NALF1: variants seen among roughly 807,000 people sequenced by gnomAD.
The protein encoded by NALF1 is family with sequence similarity 155 member A.
Under a neutral mutation model 48.4 loss-of-function variants are expected in NALF1, and 3 were observed. That is an observed-to-expected ratio of 0.06 (90% CI 0.03 to 0.16). The LOEUF is 0.16. NALF1 is among the 10% of genes least tolerant of loss of function. The pLI is 1.00. For missense variants in NALF1, 526 were observed against 571.5 expected (o/e 0.92, Z 0.81); for synonymous variants, 262 against 245.7 (o/e 1.07, Z -0.62).
chr13:107,329,195 T>G (rs185525916), intron 1 of NALF1, among the ~76,000 whole-genome samples: 1 of 152,162 alleles, frequency 6.6e-6, no homozygotes, highest in Admixed American at 6.5e-5. Flanking sequence ...ACATAAAATT[T>G]TTAGGAACTG....
intron 1 of NALF1, among the ~76,000 whole-genome samples, chr13:107,228,858 T>C (rs909922599): frequency 1.3e-5 from 2 of 152,036 alleles, no homozygotes; most frequent in Non-Finnish European, 1.5e-5. Flanking sequence ...TGATCTCAGG[T>C]AATCCACCCG....
Position 107,510,284 on chromosome 13 carries a change from A to C in NALF1, c.916-299529T>G, listed in dbSNP as rs1025473649. ...CTCCATAACTTTGGGGAAAATCAGC[A>C]ATTAAGCTCAGTTCATTTCATGATT... On this transcript the variant is annotated intron_variant, in intron 1 of 2. Transcript: ENST00000375915. Among the ~76,000 whole-genome samples the C allele has an allele frequency of 5.9e-5, 9 of 152,290 alleles. No individual in the cohort carries two copies. The East Asian group carries it at 1.7e-3, about 29-fold the overall frequency.
chr13:107,828,238 C>G (rs1463287324), intron 1 of NALF1, among the ~76,000 whole-genome samples: 1 of 152,172 alleles, frequency 6.6e-6, no homozygotes, highest in African/African-American at 2.4e-5. Flanking sequence ...TTTAGTAGCA[C>G]TGACATTCCA....
intron 1 of NALF1, among the ~76,000 whole-genome samples, chr13:107,771,553 T>C (rs1877577342): frequency 6.6e-6 from 1 of 150,732 alleles, no homozygotes; most frequent in South Asian, 2.1e-4. Flanking sequence ...GTCAGAGGCG[T>C]TCGAACCAGA....
intron 1 of NALF1, among the ~76,000 whole-genome samples, chr13:107,556,050 A>C (rs1165544194): frequency 6.6e-6 from 1 of 152,074 alleles, no homozygotes; most frequent in Non-Finnish European, 1.5e-5. Context: ...TGAATGTATT[A>C]TCTCTTCAAA....
intron 1 of NALF1, among the ~76,000 whole-genome samples, chr13:107,835,907 AG>A (rs1566500829): frequency 6.6e-6 from 1 of 152,182 alleles, no homozygotes; most frequent in Non-Finnish European, 1.5e-5. Flanking sequence ...CTAGATCATC[AG>A]GAGAACCAAC....
chr13:107,312,620 C>T (rs1266825790), intron 1 of NALF1, among the ~76,000 whole-genome samples: 1 of 152,054 alleles, frequency 6.6e-6, no homozygotes. Flanking sequence ...CTGTTTTCTG[C>T]ACTTAGAAAT....
At chr13:107,504,530 C>T (rs1473972769) in intron 1 of NALF1, among the ~76,000 whole-genome samples, 1 of 152,104 alleles carries the variant, frequency 6.6e-6, no homozygotes, top group Non-Finnish European at 1.5e-5. Context: ...ACATGATAAA[C>T]CACATATGTA....
chr13:107,631,673 T>C (rs572572508), intron 1 of NALF1, among the ~76,000 whole-genome samples: 200 of 152,190 alleles, frequency 1.3e-3, no homozygotes, highest in African/African-American at 4.4e-3. Context: ...CATTGACTAG[T>C]CATGCACAGG....
chr13:107,587,056 C>T (rs1446698785), intron 1 of NALF1, among the ~76,000 whole-genome samples: 1 of 152,022 alleles, frequency 6.6e-6, no homozygotes, highest in Non-Finnish European at 1.5e-5. Context: ...GTATCTGATT[C>T]TTGCTCCTGG....
chr13:107,810,973 A>T (rs1878971270), intron 1 of NALF1, among the ~76,000 whole-genome samples: 2 of 152,162 alleles, frequency 1.3e-5, no homozygotes. Flanking sequence ...TTCATAAATT[A>T]TGTATATATT....
chr13:107,278,375 T>C (rs1417521740), intron 1 of NALF1, among the ~76,000 whole-genome samples: 3 of 152,362 alleles, frequency 2.0e-5, no homozygotes, highest in Admixed American at 6.5e-5. Context: ...TATTTGTTTA[T>C]GGAGTGTATA....
intron 1 of NALF1, among the ~76,000 whole-genome samples, chr13:107,283,099 G>A (rs1312713102): frequency 1.3e-5 from 2 of 152,210 alleles, no homozygotes; most frequent in Non-Finnish European, 2.9e-5. Flanking sequence ...TCCCTCAGTG[G>A]TGGGAGAAAC....
At chr13:107,361,156 T>C (rs1416708378) in intron 1 of NALF1, among the ~76,000 whole-genome samples, 2 of 152,196 alleles carry the variant, frequency 1.3e-5, no homozygotes, top group Non-Finnish European at 2.9e-5. Context: ...TAGCACTCTA[T>C]TACCATAAAT....
chr13:107,851,987 T>C (rs1006799616), intron 1 of NALF1, among the ~76,000 whole-genome samples: 3 of 150,942 alleles, frequency 2.0e-5, no homozygotes, highest in African/African-American at 4.9e-5. Context: ...TTTTTTTAAT[T>C]TGGGGGGTGT....
chr13:107,603,927 GAC>G (rs1393314087), intron 1 of NALF1, among the ~76,000 whole-genome samples: 1 of 152,164 alleles, frequency 6.6e-6, no homozygotes, highest in Admixed American at 6.5e-5. Flanking sequence ...AGCAAGAGGT[GAC>G]ACATACCAGT....
intron 1 of NALF1, among the ~76,000 whole-genome samples, chr13:107,533,468 G>T (rs988870315): frequency 6.6e-6 from 1 of 152,082 alleles, no homozygotes; most frequent in Non-Finnish European, 1.5e-5. Flanking sequence ...CCCTACAGAG[G>T]AGGCAGCCCT....
At chr13:107,298,351 C>CAAA (rs1192707023) in intron 1 of NALF1, among the ~76,000 whole-genome samples, 202 of 16,614 alleles carry the variant, frequency 0.012, 38 homozygotes, top group African/African-American at 0.024. Flanking sequence ...GACTCCATCT[C>CAAA]AAAAAAAAAA....
At chr13:107,271,345 G>C (rs1042183769) in intron 1 of NALF1, among the ~76,000 whole-genome samples, 1 of 152,172 alleles carries the variant, frequency 6.6e-6, no homozygotes, top group Non-Finnish European at 1.5e-5. Flanking sequence ...TATTTGATGT[G>C]TAAGAAGTTC....
Sources: allele counts gnomAD v4.1 joint callset (sites outside exome capture counted in the v4.1 genomes callset), GRCh38; gene constraint gnomAD v4.1.1; transcripts MANE v1.5; gene names NCBI Gene and HGNC (gene_info 2026-07-23, HGNC 2026-07-21).